RNLS: variants seen among roughly 807,000 people sequenced by gnomAD.
RNLS encodes renalase.
RNLS carries 39 observed loss-of-function variants against 39.8 expected under a neutral mutation model. That is an observed-to-expected ratio of 0.98 (90% CI 0.76 to 1.28). The LOEUF (loss-of-function observed/expected upper bound fraction) is 1.28, where lower values mean the gene tolerates loss of function less well. RNLS is among the 50% of genes most tolerant of loss of function. The pLI is 0.00. For missense variants in RNLS, 410 were observed against 413.3 expected (o/e 0.99, Z 0.07); for synonymous variants, 147 against 150.7 (o/e 0.98, Z 0.18).
chr10:88,190,368 C>T, the RNLS span, among the ~76,000 whole-genome samples: 1 of 152,098 alleles, frequency 6.6e-6, no homozygotes, highest in African/African-American at 2.4e-5. Context: ...CCTGGCCTGA[C>T]CCAGAGAACT....
At chr10:88,360,491 G>A (rs181214125) in intron 5 of RNLS, among the ~76,000 whole-genome samples, 13 of 152,314 alleles carry the variant, frequency 8.5e-5, no homozygotes, top group African/African-American at 3.1e-4. Context: ...CTGGTGTGCA[G>A]TGGCACGATC....
At chr10:88,219,591 T>A in the RNLS span, among the ~76,000 whole-genome samples, 1 of 152,218 alleles carries the variant, frequency 6.6e-6, no homozygotes, top group Admixed American at 6.5e-5. Flanking sequence ...CAGTCTTTGC[T>A]GCTTCCCTCC....
intron 5 of RNLS, among the ~76,000 whole-genome samples, chr10:88,354,647 A>T (rs1849006288): frequency 6.6e-6 from 1 of 151,688 alleles, no homozygotes; most frequent in African/African-American, 2.4e-5. Context: ...TGCCCTTAAC[A>T]TTTTTTCCTT....
At chr10:88,349,703 G>T (rs184210056) in intron 5 of RNLS, among the ~76,000 whole-genome samples, 3 of 151,434 alleles carry the variant, frequency 2.0e-5, no homozygotes, top group Non-Finnish European at 2.9e-5. Flanking sequence ...TTATTTTTAC[G>T]TATGTATATA....
At chr10:88,265,590 G>GTATTT in the RNLS span, among the ~76,000 whole-genome samples, 1 of 152,000 alleles carries the variant, frequency 6.6e-6, no homozygotes, top group South Asian at 2.1e-4. Flanking sequence ...ATATTCCTAG[G>GTATTT]TATTTTATTT....
At chr10:88,339,580 G>T (rs1489161402) in intron 5 of RNLS, among the ~76,000 whole-genome samples, 1 of 152,122 alleles carries the variant, frequency 6.6e-6, no homozygotes, top group Non-Finnish European at 1.5e-5. Context: ...TTGTTGTGAT[G>T]ATAAAATGCA....
chr10:88,322,181 C>T (rs1392702971), intron 5 of RNLS, among the ~76,000 whole-genome samples: 1 of 152,066 alleles, frequency 6.6e-6, no homozygotes, highest in African/African-American at 2.4e-5. Flanking sequence ...TAAACAAAAA[C>T]CATATTATTA....
chr10:88,421,767 T>C (rs1053371658), intron 4 of RNLS, among the ~76,000 whole-genome samples: 1 of 152,216 alleles, frequency 6.6e-6, no homozygotes, highest in Non-Finnish European at 1.5e-5. Flanking sequence ...AACCTAGATA[T>C]AACCTGTTGC....
intron 4 of RNLS, among the ~76,000 whole-genome samples, chr10:88,443,491 G>A (rs904328137): frequency 7.2e-5 from 11 of 152,108 alleles, no homozygotes; most frequent in Non-Finnish European, 1.0e-4. Context: ...GCAGCACACC[G>A]AGCGTGAGCC....
rs1424991039 is a variant in RNLS, at chr10:88,452,181, T to A, written c.527-89456A>T. On this transcript the variant is annotated intron_variant, in intron 4 of 6. Transcript: ENST00000331772. Reference sequence around the variant, plus strand: ...GACACTGGTGAAGTAGAGAACTCTTTTGAGACTCAGATTCTTTATCTGTAA... The same window carrying A: ...GACACTGGTGAAGTAGAGAACTCTTATGAGACTCAGATTCTTTATCTGTAA... Among the ~76,000 whole-genome samples the A allele has an allele frequency of 1.1e-4, 16 of 152,318 alleles. No homozygotes were observed. The East Asian group carries it at 3.1e-3, about 29-fold the overall frequency.
intron 4 of RNLS, among the ~76,000 whole-genome samples, chr10:88,404,883 C>G (rs1195367434): frequency 6.6e-6 from 1 of 152,078 alleles, no homozygotes; most frequent in Non-Finnish European, 1.5e-5. Context: ...ACTAAGATCA[C>G]TTGGCCCAGG....
At chr10:88,562,331 C>A (rs988169836) in intron 4 of RNLS, among the ~76,000 whole-genome samples, 1 of 152,096 alleles carries the variant, frequency 6.6e-6, no homozygotes, top group African/African-American at 2.4e-5. Flanking sequence ...TTCCAGTACT[C>A]CCAAACTAAA....
the RNLS span, among the ~76,000 whole-genome samples, chr10:88,260,830 T>C: frequency 6.6e-6 from 1 of 152,266 alleles, no homozygotes; most frequent in Admixed American, 6.5e-5. Context: ...AAGGTTATGT[T>C]TGCTTAGCAG....
intron 4 of RNLS, among the ~76,000 whole-genome samples, chr10:88,395,174 C>G (rs1852476630): frequency 2.0e-5 from 3 of 149,712 alleles, no homozygotes; most frequent in Admixed American, 2.0e-4. Flanking sequence ...GCACATGTAC[C>G]CTAAAACTTA....
intron 6 of RNLS, among the ~76,000 whole-genome samples, chr10:88,290,183 T>A (rs1375399058): frequency 6.6e-6 from 1 of 152,192 alleles, no homozygotes. Flanking sequence ...TCCTTTCATA[T>A]CTATGCTAAA....
intron 5 of RNLS, among the ~76,000 whole-genome samples, chr10:88,320,830 T>C (rs7100373): frequency 0.71 from 103,591 of 146,592 alleles, 37,728 homozygotes; most frequent in East Asian, 0.98. Flanking sequence ...AGAGAAGAGA[T>C]AGACAGCCTT....
intron 4 of RNLS, among the ~76,000 whole-genome samples, chr10:88,486,606 A>G (rs914937335): frequency 3.9e-5 from 6 of 152,228 alleles, no homozygotes; most frequent in Non-Finnish European, 7.3e-5. Flanking sequence ...AGCATATTAA[A>G]AAAAGCTCAA....
chr10:88,485,363 G>C (rs928496636), intron 4 of RNLS, among the ~76,000 whole-genome samples: 4 of 151,686 alleles, frequency 2.6e-5, no homozygotes, highest in Non-Finnish European at 5.9e-5. Context: ...AGAAAGAAGA[G>C]TCTGTTCAAA....
At chr10:88,244,435 A>G in the RNLS span, among the ~76,000 whole-genome samples, 1 of 152,216 alleles carries the variant, frequency 6.6e-6, no homozygotes, top group Non-Finnish European at 1.5e-5. Context: ...GAAGAGTAGC[A>G]GTAACCGAAA....
Sources: gnomAD v4.1 joint callset for allele counts (sites outside exome capture counted in the v4.1 genomes callset) on GRCh38, gnomAD v4.1.1 for gene constraint, MANE v1.5 for transcripts, NCBI Gene and HGNC (gene_info 2026-07-23, HGNC 2026-07-21) for gene names.